The following RPL39L variants were observed in gnomAD, a reference collection of about 807,000 sequenced individuals.
RPL39L encodes the protein ribosomal protein L39 like, also known as ribosomal protein eL39-like 2.
For missense variants in RPL39L, 48 were observed against 58.9 expected, an observed-to-expected ratio of 0.81 and a Z score of 0.61; for synonymous variants, 16 against 20.1, an observed-to-expected ratio of 0.80 and a Z score of 0.55.
At chr3:187,132,040 C>T (rs142286756) in intron 1 of RPL39L, among the ~76,000 whole-genome samples, 482 of 152,284 alleles carry the variant, frequency 3.2e-3, no homozygotes, top group Middle Eastern at 0.01. Flanking sequence ...TTCGTCGTCA[C>T]ACCAGATACA....
chr3:187,133,038 A>G (rs1305555735), intron 1 of RPL39L, among the ~76,000 whole-genome samples: 2 of 152,250 alleles, frequency 1.3e-5, no homozygotes, highest in Non-Finnish European at 2.9e-5. Context: ...AGTGTGGACC[A>G]GCATAAGAGT....
intron 1 of RPL39L, among the ~76,000 whole-genome samples, chr3:187,130,608 A>G (rs1560200731): frequency 6.6e-6 from 1 of 152,222 alleles, no homozygotes; most frequent in East Asian, 1.9e-4. Flanking sequence ...TCAGAAGCAG[A>G]GCAGATGCTA....
intron 1 of RPL39L, among the ~76,000 whole-genome samples, chr3:187,133,417 TC>T (rs1164024310): frequency 6.6e-6 from 1 of 152,038 alleles, no homozygotes; most frequent in Non-Finnish European, 1.5e-5. Context: ...GTGCTTTGCT[TC>T]CCCTTTGCCT....
chr3:187,133,559 T>G (rs772174191), intron 1 of RPL39L, among the ~76,000 whole-genome samples: 3 of 152,088 alleles, frequency 2.0e-5, no homozygotes, highest in Non-Finnish European at 2.9e-5. Flanking sequence ...GCTCTTACTG[T>G]GGAAAAGGCA....
At chr3:187,129,224 G>A (rs553057077) in intron 1 of RPL39L, among the ~76,000 whole-genome samples, 16 of 152,292 alleles carry the variant, frequency 1.1e-4, no homozygotes, top group African/African-American at 3.6e-4. Context: ...GGTTTGATAA[G>A]CTCGCTTCCT....
At chr3:187,137,803 CAGA>C (rs1169600558) in intron 1 of RPL39L, among the ~76,000 whole-genome samples, 3 of 136,556 alleles carry the variant, frequency 2.2e-5, no homozygotes, top group African/African-American at 5.7e-5. Flanking sequence ...ACTCCAGCGA[CAGA>C]AGGATACTCC....
At chr3:187,131,969 G>T (rs1720491053) in intron 1 of RPL39L, among the ~76,000 whole-genome samples, 1 of 152,104 alleles carries the variant, frequency 6.6e-6, no homozygotes, top group Non-Finnish European at 1.5e-5. Flanking sequence ...TCCTCAAGAG[G>T]TTATATTTTT....
chr3:187,130,155 A>G (rs781442581), intron 1 of RPL39L, among the ~76,000 whole-genome samples: 6 of 152,220 alleles, frequency 3.9e-5, no homozygotes, highest in Non-Finnish European at 7.3e-5. Context: ...ATCCTCTTAC[A>G]AGAACCAGTC....
intron 1 of RPL39L, among the ~76,000 whole-genome samples, chr3:187,131,696 T>A (rs1275813624): frequency 6.6e-6 from 1 of 152,334 alleles, no homozygotes; most frequent in Middle Eastern, 3.4e-3. Flanking sequence ...GATAATAATA[T>A]CTAACATCAT....
intron 2 of RPL39L, among the ~76,000 whole-genome samples, chr3:187,125,477 G>C (rs140161475): frequency 6.6e-6 from 1 of 152,240 alleles, no homozygotes; most frequent in East Asian, 1.9e-4. Context: ...CTCAGAACTG[G>C]AGAGTTCCTG....
At chr3:187,128,621 T>G (rs1248541907) in intron 1 of RPL39L, among the ~76,000 whole-genome samples, 1 of 152,208 alleles carries the variant, frequency 6.6e-6, no homozygotes. Flanking sequence ...GTAATCCTCC[T>G]GCCTCAGTCT....
intron 1 of RPL39L, among the ~76,000 whole-genome samples, chr3:187,133,923 T>C (rs1342894823): frequency 2.0e-5 from 3 of 152,128 alleles, no homozygotes; most frequent in African/African-American, 7.2e-5. Flanking sequence ...AGCATGCTTA[T>C]TTTGGGGCAT....
chr3:187,124,327 A>C (rs1720362147), intron 2 of RPL39L, among the ~76,000 whole-genome samples: 1 of 152,200 alleles, frequency 6.6e-6, no homozygotes. Flanking sequence ...CAAGTAAAAA[A>C]ACTGGGCAAA....
At chr3:187,127,394 C>A (rs1373104403) in intron 2 of RPL39L, among the ~76,000 whole-genome samples, 1 of 152,164 alleles carries the variant, frequency 6.6e-6, no homozygotes, top group Non-Finnish European at 1.5e-5. Context: ...TTGAGAACCA[C>A]TAGTATGAAA....
chr3:187,133,370 T>G (rs1720518114), intron 1 of RPL39L, among the ~76,000 whole-genome samples: 1 of 151,914 alleles, frequency 6.6e-6, no homozygotes, highest in South Asian at 2.1e-4. Context: ...AAAGTGGCAC[T>G]TCCCCCTTCA....
intron 2 of RPL39L, among the ~76,000 whole-genome samples, chr3:187,124,882 T>C (rs1720372581): frequency 6.6e-6 from 1 of 152,214 alleles, no homozygotes; most frequent in Admixed American, 6.5e-5. Context: ...AAAATTCTTA[T>C]TAGGCTCAGA....
At chr3:187,135,324 C>T (rs1384122206) in intron 1 of RPL39L, among the ~76,000 whole-genome samples, 1 of 152,152 alleles carries the variant, frequency 6.6e-6, no homozygotes, top group Non-Finnish European at 1.5e-5. Flanking sequence ...TTGTAACTTC[C>T]ACAACTCCCA....
At chr3:187,130,051 C>T (rs1341766196) in intron 1 of RPL39L, among the ~76,000 whole-genome samples, 1 of 152,150 alleles carries the variant, frequency 6.6e-6, no homozygotes, top group African/African-American at 2.4e-5. Context: ...GCTTAAAAAA[C>T]CCATCATAGA....
At position 187,139,343 on chromosome 3, in the gene RPL39L, C is replaced by G. The variant is rs778738569; in HGVS notation, c.-223G>C. The G allele has an allele frequency of 1.3e-5, 2 of 152,372 alleles. No homozygotes were observed. The allele number at this position is 152,372 out of a possible 1,614,324, so 9.4% of individuals were successfully genotyped here. A position where few individuals can be genotyped will look rare whatever the true frequency, so the allele number is the denominator to read the frequency against. On this transcript the variant is annotated 5_prime_UTR_variant, in exon 1 of 3. Coordinates refer to ENST00000296277, the MANE Select transcript of RPL39L (RefSeq NM_052969.3). The stretch of plus-strand genomic sequence containing the variant: ...TGTCACCGACCCGAACCCGCTCCGT[C>G]GTCCTGACGCCCCCGGCCTAGCTGC...
Sources: allele counts gnomAD v4.1 joint callset (sites outside exome capture counted in the v4.1 genomes callset), GRCh38; gene constraint gnomAD v4.1.1; transcripts MANE v1.5; gene names NCBI Gene and HGNC (gene_info 2026-07-23, HGNC 2026-07-21).